PDHX: variants seen among roughly 807,000 people sequenced by gnomAD.
The protein encoded by PDHX is pyruvate dehydrogenase complex component X, also known as pyruvate dehydrogenase protein X component, mitochondrial.
Under a neutral mutation model 55.3 loss-of-function variants are expected in PDHX, and 33 were observed. The ratio of observed to expected loss-of-function variants is 0.60; its 90% CI spans 0.45 to 0.80. The LOEUF (loss-of-function observed/expected upper bound fraction) is 0.80, where lower values mean the gene tolerates loss of function less well. Ranked by LOEUF, PDHX falls within the 30% of genes least tolerant of loss-of-function variation. The probability of loss-of-function intolerance (pLI) is 0.00; values close to 1 mark genes in which losing one functional copy is unlikely to be tolerated. For synonymous variants in PDHX, 226 were observed against 219.4 expected (o/e 1.03, Z -0.27); for missense variants, 622 against 619.9 (o/e 1.00, Z -0.04).
At chr11:34,960,631 T>G in intron 5 of PDHX, 113 bp downstream of exon 5, 2 of 648,840 alleles carry the variant, frequency 3.1e-6, no homozygotes, top group Non-Finnish European at 5.5e-6. Context: ...AGGTACACTG[T>G]TCTTCTTTTG....
rs1227831549 is a variant in PDHX, at chr11:34,966,825, C to G, written c.816+11C>G. Reference sequence around the variant, plus strand: ...CAACCCAATGCAGTGGTAGTGTTCTCTAAGTGGATTTTTATTTCTTTTTCT... The same window carrying G: ...CAACCCAATGCAGTGGTAGTGTTCTGTAAGTGGATTTTTATTTCTTTTTCT... On this transcript the variant is annotated intron_variant, in intron 6 of 10. Transcript: ENST00000227868. 2 of 1,606,124 alleles carry G rather than the reference C, an allele frequency of 1.2e-6. No homozygotes were observed. Among genetic ancestry groups the G allele is most frequent in the South Asian group, 2.2e-5 (2 of 90,870 alleles).
chr11:34,979,811 A>G (rs1855468809), intron 8 of PDHX, among the ~76,000 whole-genome samples: 1 of 152,124 alleles, frequency 6.6e-6, no homozygotes, highest in Non-Finnish European at 1.5e-5. Flanking sequence ...AAGTAGTGGT[A>G]ATTTAAATTT....
At chr11:34,957,340 C>A in intron 3 of PDHX, 44 bp from the exon 4 acceptor site, 1 of 1,262,450 alleles carries the variant, frequency 7.9e-7, no homozygotes, top group South Asian at 1.2e-5. Flanking sequence ...TTAATGCAGT[C>A]ATGGGGTTTT....
chr11:34,938,584 T>C (rs1224151645), intron 2 of PDHX, among the ~76,000 whole-genome samples: 1 of 152,230 alleles, frequency 6.6e-6, no homozygotes, highest in African/African-American at 2.4e-5. Flanking sequence ...CATTAAATAA[T>C]GATTCAGACA....
At chr11:34,955,626 T>G (rs1590749579) in intron 3 of PDHX, among the ~76,000 whole-genome samples, 1 of 152,300 alleles carries the variant, frequency 6.6e-6, no homozygotes, top group African/African-American at 2.4e-5. Flanking sequence ...TGGTAAAAAT[T>G]GAAATGATGA....
At chr11:34,955,909 A>G (rs1854896646) in intron 3 of PDHX, among the ~76,000 whole-genome samples, 1 of 152,166 alleles carries the variant, frequency 6.6e-6, no homozygotes, top group Non-Finnish European at 1.5e-5. Context: ...AGTGGACTTC[A>G]TGTCACTTAA....
Position 34,970,225 on chromosome 11 carries a change from A to G in PDHX, c.903A>G (p.Ala301=), listed in dbSNP as rs1344823148. 3 of 1,613,250 alleles carry G rather than the reference A, an allele frequency of 1.9e-6. No homozygotes were observed. The highest frequency in any genetic ancestry group is 1.7e-5 in the Admixed American group (1 of 60,016). Residue 301 remains alanine (A), a synonymous_variant, in exon 7 of 11, where the codon GCA becomes GCG. Coordinates refer to ENST00000227868, the MANE Select transcript of PDHX (RefSeq NM_003477.3). ...AATCTAAAAGTACTGTACCTCATGC[A>G]TATGCTACTGCTGACTGTGACCTTG... ...LTESKSTVPH[A]YATADCDLGA...
chr11:34,953,503 T>A (rs1223202718), intron 3 of PDHX, among the ~76,000 whole-genome samples: 2 of 152,196 alleles, frequency 1.3e-5, no homozygotes, highest in African/African-American at 4.8e-5. Flanking sequence ...TTTTTTCATA[T>A]TGAAATAGTT....
At chr11:34,947,635 A>C in intron 3 of PDHX, 29 bp downstream of exon 3, 2 of 1,410,802 alleles carry the variant, frequency 1.4e-6, no homozygotes, top group Non-Finnish European at 1.0e-6. Flanking sequence ...TTTCTTCAAC[A>C]GGATGAAGAT....
chr11:34,946,416 A>G (rs531350242), intron 2 of PDHX, among the ~76,000 whole-genome samples: 1 of 152,220 alleles, frequency 6.6e-6, no homozygotes, highest in East Asian at 1.9e-4. Context: ...AATTTTTGTT[A>G]CAATTACTGA....
chr11:34,924,821 C>T (rs1386250440), intron 1 of PDHX, among the ~76,000 whole-genome samples: 2 of 152,160 alleles, frequency 1.3e-5, no homozygotes, highest in Non-Finnish European at 2.9e-5. Flanking sequence ...CTTTCCCAGT[C>T]TTCCTTAGAA....
At chr11:34,937,003 C>T (rs531765144) in intron 2 of PDHX, among the ~76,000 whole-genome samples, 22 of 151,904 alleles carry the variant, frequency 1.4e-4, no homozygotes, top group African/African-American at 4.8e-4. Context: ...TGGCTGGTCT[C>T]GAATTTCTGA....
rs772736821 is a variant in PDHX, at chr11:34,970,241, T to G, written c.919T>G (p.Cys307Gly). Residue 307 changes from cysteine to glycine, a missense_variant, in exon 7 of 11, where the codon TGT (cysteine) becomes GGT (glycine). Transcript: ENST00000227868. Reference sequence around the variant, plus strand: ...ACCTCATGCATATGCTACTGCTGACTGTGACCTTGGAGCTGTTTTAAAAGT... The same window carrying G: ...ACCTCATGCATATGCTACTGCTGACGGTGACCTTGGAGCTGTTTTAAAAGT... ...TVPHAYATADCDLGAVLKVRQ... is the reference protein window; with the variant it reads ...TVPHAYATADGDLGAVLKVRQ... 2 of 1,613,730 alleles carry G rather than the reference T, an allele frequency of 1.2e-6. No homozygotes were observed. The highest frequency in any genetic ancestry group is 1.3e-5 in the African/African-American group (1 of 74,924).
chr11:34,916,623 G>A lies in PDHX; in HGVS notation c.-33G>A, dbSNP rs774021266. On this transcript the variant is annotated 5_prime_UTR_variant, in exon 1 of 11. The change creates a new upstream start codon in the 5' untranslated region. Transcript: ENST00000227868. ...GGGCCTTGATGCTGGACATCAGGCTGTGCTGCGGGCAGCCAGTGAGAAGGC... is the reference window on the plus strand; with the variant it reads ...GGGCCTTGATGCTGGACATCAGGCTATGCTGCGGGCAGCCAGTGAGAAGGC... 1.2e-6 allele frequency: 2 copies of A among 1,602,252 alleles called. No individual in the cohort carries two copies. The highest frequency in any genetic ancestry group is 8.5e-7 in the Non-Finnish European group (1 of 1,179,620).
At chr11:34,949,608 T>G (rs1254053046) in intron 3 of PDHX, among the ~76,000 whole-genome samples, 1 of 152,226 alleles carries the variant, frequency 6.6e-6, no homozygotes, top group Non-Finnish European at 1.5e-5. Flanking sequence ...CAGCTTATTC[T>G]TAAAGTTAGT....
upstream of PDHX, chr11:34,916,255 GTC>G (rs1441952631): frequency 6.2e-7 from 1 of 1,612,634 alleles, no homozygotes; most frequent in Admixed American, 1.7e-5. Flanking sequence ...GGGAACAACA[GTC>G]TCCCTCCCGA....
intron 2 of PDHX, among the ~76,000 whole-genome samples, chr11:34,935,070 G>A (rs1854277474): frequency 6.6e-6 from 1 of 152,186 alleles, no homozygotes; most frequent in Middle Eastern, 3.4e-3. Flanking sequence ...AACAAGATCG[G>A]TCATGAATCA....
In PDHX at chr11:34,995,274, G is replaced by A. The variant is rs1855837673; in HGVS notation, c.*102G>A. ...CAACTTGGTATTTAAGTATGAAGTGGATGAAATGTTTATTTATTTAAGGTG... is the reference window on the plus strand; with the variant it reads ...CAACTTGGTATTTAAGTATGAAGTGAATGAAATGTTTATTTATTTAAGGTG... On this transcript the variant is annotated 3_prime_UTR_variant, in exon 11 of 11. Transcript: ENST00000227868. 60 of 1,265,162 alleles carry A rather than the reference G, an allele frequency of 4.7e-5. 2 individuals are homozygous for A. In the South Asian group the frequency reaches 6.7e-4, roughly 14 times the overall value. 78.4% of individuals were successfully genotyped at this position (1,265,162 alleles called of 1,614,324 possible). A position where few individuals can be genotyped will look rare whatever the true frequency, so the allele number is the denominator to read the frequency against.
Position 34,947,438 on chromosome 11 carries a change from A to G in PDHX, c.242-68A>G, listed in dbSNP as rs1445100483. The G allele has an allele frequency of 6.0e-6, 6 of 1,002,084 alleles. No homozygotes were observed. The African/African-American group carries it at 8.2e-5, about 14-fold the overall frequency. 62.1% of individuals were successfully genotyped at this position (1,002,084 alleles called of 1,614,324 possible). On this transcript the variant is annotated intron_variant, in intron 2 of 10. Coordinates refer to ENST00000227868, the MANE Select transcript of PDHX (RefSeq NM_003477.3). ...TTTGGTATTTATTTATGTTTTATTCATACGTACATATATACATAGTAATAT... is the reference window on the plus strand; with the variant it reads ...TTTGGTATTTATTTATGTTTTATTCGTACGTACATATATACATAGTAATAT...
Sources: gnomAD v4.1 joint callset for allele counts (sites outside exome capture counted in the v4.1 genomes callset) on GRCh38, gnomAD v4.1.1 for gene constraint, MANE v1.5 for transcripts, NCBI Gene and HGNC (gene_info 2026-07-23, HGNC 2026-07-21) for gene names.